Variants in KIF26B observed in about 807,000 individuals in gnomAD.
The protein encoded by KIF26B is kinesin-like protein KIF26B.
In KIF26B, 63 loss-of-function variants were observed where a neutral mutation model predicts 151.2. That is an observed-to-expected ratio of 0.42 (90% CI 0.34 to 0.51). The LOEUF is 0.51. Among genes scored for constraint, KIF26B ranks in the 20% least tolerant of loss-of-function variants. The pLI is 0.07. For synonymous variants in KIF26B, 1,357 were observed against 1,262.1 expected, an observed-to-expected ratio of 1.08 and a Z score of -1.59; for missense variants, 2,813 against 2,913.6, an observed-to-expected ratio of 0.97 and a Z score of 0.79.
At chr1:245,203,255 A>AAAAAAAAACAG (rs61541280) in intron 2 of KIF26B, among the ~76,000 whole-genome samples, 1 of 129,746 alleles carries the variant, frequency 7.7e-6, no homozygotes, top group African/African-American at 3.0e-5. Context: ...TCAAAAAAAA[A>AAAAAAAAACAG]AAAAGAAAAT....
At chr1:245,215,602 C>T (rs568816873) in intron 2 of KIF26B, among the ~76,000 whole-genome samples, 1 of 152,264 alleles carries the variant, frequency 6.6e-6, no homozygotes, top group African/African-American at 2.4e-5. Flanking sequence ...CATTCCATGT[C>T]AGCTCTGCCC....
chr1:245,416,040 G>A (rs1460302944), intron 3 of KIF26B, among the ~76,000 whole-genome samples: 1 of 150,806 alleles, frequency 6.6e-6, no homozygotes, highest in Admixed American at 6.6e-5. Flanking sequence ...GCTGAGGTGG[G>A]CGGATCACCT....
At chr1:245,580,838 C>T (rs1344509073) in intron 5 of KIF26B, among the ~76,000 whole-genome samples, 2 of 152,220 alleles carry the variant, frequency 1.3e-5, no homozygotes, top group African/African-American at 4.8e-5. Context: ...TGTGGTTTCT[C>T]ATCCTGTTTG....
At chr1:245,386,111 C>T (rs1294046330) in intron 3 of KIF26B, among the ~76,000 whole-genome samples, 2 of 152,074 alleles carry the variant, frequency 1.3e-5, no homozygotes, top group Non-Finnish European at 2.9e-5. Context: ...CATCGTGGCA[C>T]ACACCTGTAA....
chr1:245,603,568 T>C (rs2043419394), intron 6 of KIF26B, among the ~76,000 whole-genome samples: 4 of 152,040 alleles, frequency 2.6e-5, no homozygotes, highest in Admixed American at 2.6e-4. Flanking sequence ...GCACATGTCT[T>C]TGGGGGTTGG....
chr1:245,277,029 G>A (rs1308000560), intron 2 of KIF26B, among the ~76,000 whole-genome samples: 1 of 152,154 alleles, frequency 6.6e-6, no homozygotes, highest in Non-Finnish European at 1.5e-5. Flanking sequence ...AAAGGTAGAG[G>A]CAGAGACTGG....
intron 2 of KIF26B, among the ~76,000 whole-genome samples, chr1:245,180,898 C>T (rs180790468): frequency 2.5e-4 from 38 of 152,200 alleles, no homozygotes; most frequent in Admixed American, 7.2e-4. Context: ...TGCTGTGAAA[C>T]GATCACAGTC....
At chr1:245,568,046 T>G (rs760329305) in intron 5 of KIF26B, among the ~76,000 whole-genome samples, 27 of 151,128 alleles carry the variant, frequency 1.8e-4, no homozygotes, top group Admixed American at 6.6e-5. Context: ...ATAGCCGGGG[T>G]TAATCCCAGC....
At chr1:245,423,120 A>AAAAG (rs1553273079) in intron 4 of KIF26B, among the ~76,000 whole-genome samples, 42 of 146,114 alleles carry the variant, frequency 2.9e-4, no homozygotes, top group African/African-American at 1.0e-3. Flanking sequence ...AAAAAAGGAA[A>AAAAG]GAAAGAAAGA....
intron 2 of KIF26B, among the ~76,000 whole-genome samples, chr1:245,288,573 C>T (rs1671204187): frequency 6.6e-6 from 1 of 152,166 alleles, no homozygotes; most frequent in Non-Finnish European, 1.5e-5. Flanking sequence ...TCTTGCCTGA[C>T]TGTGGTGGGC....
intron 2 of KIF26B, among the ~76,000 whole-genome samples, chr1:245,216,761 C>G (rs748587628): frequency 1.3e-5 from 2 of 152,174 alleles, no homozygotes; most frequent in African/African-American, 2.4e-5. Context: ...TTGGTTCTTT[C>G]GCAAATTGGT....
At chr1:245,438,863 C>T (rs938371567) in intron 4 of KIF26B, among the ~76,000 whole-genome samples, 3 of 152,086 alleles carry the variant, frequency 2.0e-5, no homozygotes, top group African/African-American at 7.2e-5. Context: ...AATAGAGTGA[C>T]AGGAAGCATA....
chr1:245,235,953 A>C (rs1416349449), intron 2 of KIF26B, among the ~76,000 whole-genome samples: 1 of 146,040 alleles, frequency 6.8e-6, no homozygotes, highest in Non-Finnish European at 1.5e-5. Context: ...TTTTTGAGAC[A>C]GAGTCTCGCT....
At chr1:245,336,824 T>C (rs1278225904) in intron 2 of KIF26B, among the ~76,000 whole-genome samples, 1 of 152,230 alleles carries the variant, frequency 6.6e-6, no homozygotes, top group Non-Finnish European at 1.5e-5. Flanking sequence ...TCTTTGCTAA[T>C]TAGTCCATTT....
intron 5 of KIF26B, among the ~76,000 whole-genome samples, chr1:245,543,926 C>T (rs536829760): frequency 5.9e-5 from 9 of 152,090 alleles, no homozygotes; most frequent in East Asian, 3.9e-4. Context: ...CCAGCCTTGA[C>T]GACAGAGCGA....
chr1:245,436,646 G>A (rs190854729), intron 4 of KIF26B, among the ~76,000 whole-genome samples: 1 of 152,106 alleles, frequency 6.6e-6, no homozygotes, highest in Non-Finnish European at 1.5e-5. Context: ...TTTTCTCAGA[G>A]TCTACTGACT....
At chr1:245,270,124 T>C (rs955882035) in intron 2 of KIF26B, among the ~76,000 whole-genome samples, 1 of 123,218 alleles carries the variant, frequency 8.1e-6, no homozygotes, top group Non-Finnish European at 1.7e-5. Context: ...TGTTCTTTTT[T>C]CTTCTTCCTT....
intron 4 of KIF26B, among the ~76,000 whole-genome samples, chr1:245,461,875 A>G (rs1278790502): frequency 6.6e-6 from 1 of 152,156 alleles, no homozygotes; most frequent in Non-Finnish European, 1.5e-5. Context: ...GCCTTTAGAG[A>G]GGCTGAGCCT....
chr1:245,646,202 C>T lies in KIF26B; in HGVS notation c.2180C>T (p.Ser727Leu), dbSNP rs2103185264. The change falls in exon 10 of 15, where the codon TCA becomes TTA. Residue 727 changes from serine to leucine, a missense_variant. Transcript: ENST00000407071. ...KALSKNREGG[S>L]GLCLSLSALG... ...CTTAGCAAAAATCGAGAAGGAGGCT[C>T]AGGGCTGTGTCTCTCGCTGTCTGCT... is the stretch of plus-strand genomic sequence containing the variant. 6.2e-7 allele frequency: 1 copy of T among 1,613,990 alleles called. No homozygotes were observed.
Sources: gnomAD v4.1 joint callset for allele counts (sites outside exome capture counted in the v4.1 genomes callset) on GRCh38, gnomAD v4.1.1 for gene constraint, MANE v1.5 for transcripts, NCBI Gene and HGNC (gene_info 2026-07-23, HGNC 2026-07-21) for gene names.